The following TBL1X variants were observed in gnomAD, a reference collection of about 807,000 sequenced individuals.
TBL1X encodes transducin beta like 1 X-linked, also known as F-box-like/WD repeat-containing protein TBL1X.
Under a neutral mutation model 50.7 loss-of-function variants are expected in TBL1X, and 10 were observed. The ratio of observed to expected loss-of-function variants is 0.20; its 90% CI spans 0.12 to 0.33. The LOEUF (loss-of-function observed/expected upper bound fraction) is 0.33, where lower values mean the gene tolerates loss of function less well. TBL1X is among the 10% of genes least tolerant of loss of function. The probability of loss-of-function intolerance (pLI) is 1.00; values close to 1 mark genes in which losing one functional copy is unlikely to be tolerated. For synonymous variants in TBL1X, 190 were observed against 214.7 expected (o/e 0.88, Z 1.01); for missense variants, 340 against 504.4 (o/e 0.67, Z 3.12).
At chrX:9,588,080 G>A (rs1299512754) in intron 2 of TBL1X, among the ~76,000 whole-genome samples, 2 of 111,425 alleles carry the variant, frequency 1.8e-5, no homozygotes, top group Non-Finnish European at 3.8e-5. Flanking sequence ...AAAGTATTTG[G>A]GAAAAATAAT....
intron 2 of TBL1X, among the ~76,000 whole-genome samples, chrX:9,569,062 G>T (rs866549860): frequency 2.1e-5 from 1 of 48,724 alleles, no homozygotes; most frequent in Admixed American, 2.7e-4. Context: ...GTCTATCTGT[G>T]CTGTGTGTGT....
intron 2 of TBL1X, among the ~76,000 whole-genome samples, chrX:9,516,648 A>G (rs1293095905): frequency 8.9e-6 from 1 of 112,505 alleles, no homozygotes; most frequent in Non-Finnish European, 1.9e-5. Flanking sequence ...ACTTGGTGCA[A>G]TTGGGTAACC....
At chrX:9,692,025 G>C in intron 8 of TBL1X, 88 bp from the exon 9 acceptor site, 3 of 1,162,039 alleles carry the variant, frequency 2.6e-6, no homozygotes, top group Non-Finnish European at 3.5e-6. Flanking sequence ...ATGTGCTGAA[G>C]ATGCCCTCTG....
chrX:9,587,461 G>A (rs1490209849), intron 2 of TBL1X, among the ~76,000 whole-genome samples: 3 of 111,661 alleles, frequency 2.7e-5, no homozygotes, highest in Non-Finnish European at 5.6e-5. Context: ...GCACATCTGT[G>A]TTTGTTTTTA....
chrX:9,551,276 G>A (rs1019579574), intron 2 of TBL1X, among the ~76,000 whole-genome samples: 2 of 109,291 alleles, frequency 1.8e-5, no homozygotes, highest in African/African-American at 6.7e-5. Context: ...TTATGAGGAG[G>A]CCCTTTTGGG....
intron 2 of TBL1X, among the ~76,000 whole-genome samples, chrX:9,576,273 T>A: frequency 8.9e-6 from 1 of 112,163 alleles, no homozygotes. Flanking sequence ...TCAGGCCACG[T>A]CAGTGTGTCT....
At chrX:9,496,941 A>T (rs1276049834) in intron 1 of TBL1X, among the ~76,000 whole-genome samples, 2 of 111,937 alleles carry the variant, frequency 1.8e-5, no homozygotes, top group Non-Finnish European at 3.8e-5. Context: ...GAGTGCTGAA[A>T]ACTCAAGTCC....
chrX:9,489,434 TAACA>T, intron 1 of TBL1X, among the ~76,000 whole-genome samples: 1 of 112,073 alleles, frequency 8.9e-6, no homozygotes, highest in East Asian at 2.8e-4. Flanking sequence ...TAATGTTGCA[TAACA>T]AACAGCCCCC....
rs753607816 is a variant in TBL1X at position 9,708,807 on chromosome X, G to A, written c.1237-441G>A. ...TGCTTGAGTTTAAGAGGTACATGCT[G>A]CAAGGACCTGTGATCCTGCCACTGC... On this transcript the variant is annotated intron_variant, in intron 13 of 17. Coordinates refer to ENST00000645353, the MANE Select transcript of TBL1X (RefSeq NM_005647.4). Among the ~76,000 whole-genome samples the A allele has an allele frequency of 2.7e-5, 3 of 110,729 alleles. No homozygotes were observed. In the South Asian group the frequency reaches 1.2e-3, roughly 43 times the overall value.
chrX:9,481,481 A>C (rs757640807), intron 1 of TBL1X, among the ~76,000 whole-genome samples: 8 of 112,264 alleles, frequency 7.1e-5, no homozygotes, highest in Non-Finnish European at 1.3e-4. Context: ...TTAATTTATG[A>C]TGTTATAGTT....
intron 5 of TBL1X, among the ~76,000 whole-genome samples, chrX:9,661,050 C>T (rs1383270851): frequency 8.9e-6 from 1 of 111,947 alleles, no homozygotes; most frequent in Non-Finnish European, 1.9e-5. Flanking sequence ...ACATGTTGAT[C>T]GTGGACTCCC....
At chrX:9,600,135 C>T (rs953038909) in intron 2 of TBL1X, among the ~76,000 whole-genome samples, 3 of 111,673 alleles carry the variant, frequency 2.7e-5, no homozygotes, top group East Asian at 2.8e-4. Context: ...CCTGGCAAGA[C>T]GTCTTAGTCT....
chrX:9,566,348 A>G (rs1006141788), intron 2 of TBL1X, among the ~76,000 whole-genome samples: 4 of 112,191 alleles, frequency 3.6e-5, no homozygotes, highest in African/African-American at 9.7e-5. Context: ...AAGGATTTTT[A>G]AATATGTCAT....
chrX:9,533,730 C>T (rs760340613), intron 2 of TBL1X, among the ~76,000 whole-genome samples: 1 of 111,283 alleles, frequency 9.0e-6, no homozygotes, highest in Admixed American at 9.6e-5. Flanking sequence ...GCTAGCTTAC[C>T]AGGCCAGCAT....
At chrX:9,504,142 A>C (rs2082014831) in intron 2 of TBL1X, among the ~76,000 whole-genome samples, 1 of 111,445 alleles carries the variant, frequency 9.0e-6, no homozygotes, top group Non-Finnish European at 1.9e-5. Context: ...CATGGGAGCG[A>C]ATCAGATGAA....
intron 2 of TBL1X, among the ~76,000 whole-genome samples, chrX:9,541,808 C>T (rs1352689438): frequency 9.0e-6 from 1 of 111,580 alleles, no homozygotes; most frequent in African/African-American, 3.3e-5. Flanking sequence ...GAATGACCCT[C>T]GCTAGGATTT....
chrX:9,688,343 C>T (rs1318013170), intron 7 of TBL1X, 68 bp downstream of exon 7: 12 of 948,701 alleles, frequency 1.3e-5, no homozygotes, highest in African/African-American at 4.0e-5. Context: ...TGGGCAAATC[C>T]GAATGCCTTC....
At chrX:9,667,322 G>A (rs1239112058) in intron 5 of TBL1X, among the ~76,000 whole-genome samples, 1 of 111,747 alleles carries the variant, frequency 8.9e-6, no homozygotes, top group Non-Finnish European at 1.9e-5. Flanking sequence ...TGTAAAGGAA[G>A]TTCTGTGTGT....
chrX:9,659,323 G>T (rs961873268), intron 5 of TBL1X, among the ~76,000 whole-genome samples: 1 of 111,442 alleles, frequency 9.0e-6, no homozygotes, highest in African/African-American at 3.3e-5. Context: ...CTAGAGTTTT[G>T]CCCTTGCAAG....
Sources: allele counts gnomAD v4.1 joint callset (sites outside exome capture counted in the v4.1 genomes callset), GRCh38; gene constraint gnomAD v4.1.1; transcripts MANE v1.5; gene names NCBI Gene and HGNC (gene_info 2026-07-23, HGNC 2026-07-21).